HOXD1: variants seen among roughly 807,000 people sequenced by gnomAD.
HOXD1 encodes the protein homeobox D1.
In HOXD1, 17 loss-of-function variants were observed where a neutral mutation model predicts 19.9. The observed-to-expected ratio is 0.85, with a 90% CI of 0.58 to 1.28. The LOEUF is 1.28. Ranked by LOEUF, HOXD1 falls within the 50% of genes most tolerant of loss-of-function variation. The pLI, the probability that HOXD1 is intolerant of heterozygous loss-of-function variation, is 0.00. For missense variants in HOXD1, 500 were observed against 460.1 expected, an observed-to-expected ratio of 1.09 and a Z score of -0.79; for synonymous variants, 239 against 216.0, an observed-to-expected ratio of 1.11 and a Z score of -0.93.
In HOXD1 at chr2:176,189,383, C is replaced by T. The variant is rs1161137098; in HGVS notation, c.582C>T (p.Pro194=). The T allele has an allele frequency of 6.2e-7, 1 of 1,613,210 alleles. No homozygotes were observed. ...APGTYPKSVS[P]ASGLPAAFST... ...GCACCTACCCCAAGTCCGTCTCTCCCGCCTCCGGCCTCCCTGCCGCCTTCA... is the reference window on the plus strand; with the variant it reads ...GCACCTACCCCAAGTCCGTCTCTCCTGCCTCCGGCCTCCCTGCCGCCTTCA... Residue 194 remains proline (P), a synonymous_variant, in exon 1 of 2, where the codon CCC becomes CCT. Transcript: ENST00000331462.
rs1691766867 is a variant in HOXD1 at position 176,190,200 on chromosome 2, C to G, written c.*58C>G. The G allele has an allele frequency of 8.5e-7, 1 of 1,171,850 alleles. No homozygotes were observed. Among genetic ancestry groups the G allele is most frequent in the Admixed American group, 2.3e-5 (1 of 44,374 alleles). 72.6% of individuals were successfully genotyped at this position (1,171,850 alleles called of 1,614,324 possible). A position where few individuals can be genotyped will look rare whatever the true frequency, so the allele number is the denominator to read the frequency against. On this transcript the variant is annotated 3_prime_UTR_variant, in exon 2 of 2. Transcript: ENST00000331462. ...GCAGAAGTCCCAGGCGACCCCCATC[C>G]CTATCTAGACTTAGGAGCTCAGTTT...
At chr2:176,189,558 T>G in intron 1 of HOXD1, 105 bp downstream of exon 1, 1 of 1,593,344 alleles carries the variant, frequency 6.3e-7, no homozygotes, top group Non-Finnish European at 8.5e-7. Flanking sequence ...GACAGCGGTT[T>G]GGGTTTTGTG....
Position 176,190,095 on chromosome 2 carries a change from T to C in HOXD1, c.940T>C (p.Phe314Leu). The change falls in exon 2 of 2, where the codon TTT becomes CTT. Residue 314 changes from phenylalanine (F) to leucine (L), a missense_variant. Coordinates refer to ENST00000331462, the MANE Select transcript of HOXD1 (RefSeq NM_024501.3). Reference protein sequence around the residue: ...LPLSGTTPTKFIKNPGSPSQS... With the variant: ...LPLSGTTPTKLIKNPGSPSQS... ...CCTCTCTGGAACAACCCCCACTAAG[T>C]TTATCAAGAACCCCGGCAGCCCTTC... 2 of 1,613,606 alleles carry C rather than the reference T, an allele frequency of 1.2e-6. No homozygotes were observed. Among genetic ancestry groups the C allele is most frequent in the East Asian group, 2.2e-5 (1 of 44,852 alleles).
At position 176,190,347 on chromosome 2, in the gene HOXD1, G is replaced by A; in HGVS notation, c.*205G>A. 1.8e-6 allele frequency: 1 copy of A among 551,010 alleles called. No homozygotes were observed. Among genetic ancestry groups the A allele is most frequent in the Non-Finnish European group, 3.2e-6 (1 of 313,588 alleles). The allele number at this position is 551,010 out of a possible 1,614,324, so 34.1% of individuals were successfully genotyped here. ...TAATTGACTGTCTTGTAAGCCACTT[G>A]TTTGGTTATGATTTGTGTCTTATCA... On this transcript the variant is annotated 3_prime_UTR_variant, in exon 2 of 2. Coordinates refer to ENST00000331462, the MANE Select transcript of HOXD1 (RefSeq NM_024501.3).
rs1236081172 is a variant in HOXD1 at position 176,188,672 on chromosome 2, TG to T, written c.-127del. The T allele has an allele frequency of 7.4e-6, 7 of 941,484 alleles. No homozygotes were observed. Among genetic ancestry groups the T allele is most frequent in the Non-Finnish European group, 8.2e-6 (5 of 609,666 alleles). The allele number at this position is 941,484 out of a possible 1,614,324, so 58.3% of individuals were successfully genotyped here. A position where few individuals can be genotyped will look rare whatever the true frequency, so the allele number is the denominator to read the frequency against. ...CTATTTACCTCCGGCTCACTCGCCATGGGTTGGAGAGGGCAGCTCGGGTAGA... is the reference window on the plus strand; with the variant it reads ...CTATTTACCTCCGGCTCACTCGCCATGGTTGGAGAGGGCAGCTCGGGTAGA... On this transcript the variant is annotated 5_prime_UTR_variant, in exon 1 of 2. It removes the in-frame stop codon of an upstream open reading frame in the 5' UTR. Transcript: ENST00000331462.
In HOXD1 at chr2:176,189,472, G is replaced by C; in HGVS notation, c.652+19G>C. The C allele has an allele frequency of 6.2e-7, 1 of 1,612,048 alleles. No individual in the cohort carries two copies. The highest frequency in any genetic ancestry group is 8.5e-7 in the Non-Finnish European group (1 of 1,179,290). ...AAGAAAGGTAAGTCCGCGGGCCTTG[G>C]ATGGGGCCACCTGGGGTTGGGGACG... On this transcript the variant is annotated intron_variant, in intron 1 of 1. Transcript: ENST00000331462.
rs889199651 is a variant in HOXD1, at chr2:176,188,794, C to T, written c.-8C>T. The T allele has an allele frequency of 1.2e-6, 2 of 1,606,948 alleles. No homozygotes were observed. Among genetic ancestry groups the T allele is most frequent in the African/African-American group, 1.3e-5 (1 of 74,428 alleles). On this transcript the variant is annotated 5_prime_UTR_variant, in exon 1 of 2. Coordinates refer to ENST00000331462, the MANE Select transcript of HOXD1 (RefSeq NM_024501.3). Reference sequence around the variant, plus strand: ...GGCCTGCGCCCTCAGAAAGGTGGGGCCCGAACCATGAGCTCCTACCTGGAG... The same window carrying T: ...GGCCTGCGCCCTCAGAAAGGTGGGGTCCGAACCATGAGCTCCTACCTGGAG...
Position 176,189,147 on chromosome 2 carries a change from G to T in HOXD1, c.346G>T (p.Asp116Tyr). ...CTTCCTGGGGTCCGGGCCGGCGTACGACTTCCCGGGCGTGCTGGGGCGGGC... is the reference window on the plus strand; with the variant it reads ...CTTCCTGGGGTCCGGGCCGGCGTACTACTTCCCGGGCGTGCTGGGGCGGGC... ...YGFLGSGPAYDFPGVLGRAAD... is the reference protein window; with the variant it reads ...YGFLGSGPAYYFPGVLGRAAD... Residue 116 changes from aspartate to tyrosine, a missense_variant, in exon 1 of 2, where the codon GAC becomes TAC. Asp to Tyr is a radical substitution (Grantham distance 160). Transcript: ENST00000331462. 6.3e-7 allele frequency: 1 copy of T among 1,587,260 alleles called. No individual in the cohort carries two copies. The highest frequency in any genetic ancestry group is 1.1e-5 in the South Asian group (1 of 88,004).
chr2:176,189,485 G>A lies in HOXD1; in HGVS notation c.652+32G>A. 3 of 1,612,366 alleles carry A rather than the reference G, an allele frequency of 1.9e-6. No homozygotes were observed. The East Asian group carries it at 6.7e-5, about 36-fold the overall frequency. On this transcript the variant is annotated intron_variant, in intron 1 of 1. Coordinates refer to ENST00000331462, the MANE Select transcript of HOXD1 (RefSeq NM_024501.3). Reference sequence around the variant, plus strand: ...CCGCGGGCCTTGGATGGGGCCACCTGGGGTTGGGGACGGAGCCTCCCCCGC... The same window carrying A: ...CCGCGGGCCTTGGATGGGGCCACCTAGGGTTGGGGACGGAGCCTCCCCCGC...
intron 1 of HOXD1, 67 bp from the exon 2 acceptor site, chr2:176,189,741 C>A: frequency 1.9e-6 from 3 of 1,609,760 alleles, no homozygotes; most frequent in East Asian, 2.2e-5. Context: ...TTCTAACTAG[C>A]TCCACTGCTC....
rs1226059664 is a variant in HOXD1 at position 176,190,210 on chromosome 2, C to T, written c.*68C>T. On this transcript the variant is annotated 3_prime_UTR_variant, in exon 2 of 2. Transcript: ENST00000331462. ...CAGGCGACCCCCATCCCTATCTAGA[C>T]TTAGGAGCTCAGTTTGGGATGGAGG... The T allele has an allele frequency of 3.8e-6, 4 of 1,055,824 alleles. No homozygotes were observed. The highest frequency in any genetic ancestry group is 5.6e-6 in the Non-Finnish European group (4 of 715,402). 65.4% of individuals were successfully genotyped at this position (1,055,824 alleles called of 1,614,324 possible). A position where few individuals can be genotyped will look rare whatever the true frequency, so the allele number is the denominator to read the frequency against.
chr2:176,189,515 A>T (rs751808553), intron 1 of HOXD1, 62 bp downstream of exon 1: 24 of 1,611,818 alleles, frequency 1.5e-5, no homozygotes, highest in Middle Eastern at 1.6e-4. Context: ...CCCCGCGGAA[A>T]TGCGCTGGGA....
At chr2:176,189,740 G>A in intron 1 of HOXD1, 68 bp from the exon 2 acceptor site, 2 of 1,610,406 alleles carry the variant, frequency 1.2e-6, no homozygotes, top group East Asian at 2.2e-5. Flanking sequence ...ATTCTAACTA[G>A]CTCCACTGCT....
In HOXD1 at chr2:176,188,739, A is replaced by G. The variant is rs568586586; in HGVS notation, c.-63A>G. 10,496 of 1,535,634 alleles carry G rather than the reference A, an allele frequency of 6.8e-3. 70 individuals carry two copies. The highest frequency in any genetic ancestry group is 0.01 in the South Asian group (876 of 85,368). ...GGCGCAGACGGCGGCAGTCCTGCTC[A>G]GCCTCTGCCCGGCTCCGTACTCCGG... is the stretch of plus-strand genomic sequence containing the variant. On this transcript the variant is annotated 5_prime_UTR_variant, in exon 1 of 2. Transcript: ENST00000331462.
rs780236960 is a variant in HOXD1 at position 176,189,155 on chromosome 2, G to C, written c.354G>C (p.Pro118=). ...FLGSGPAYDF[P]GVLGRAADDG... is the part of the protein sequence containing the mutation. ...GGTCCGGGCCGGCGTACGACTTCCC[G>C]GGCGTGCTGGGGCGGGCGGCCGACG... Residue 118 remains proline (P), a synonymous_variant, in exon 1 of 2, where the codon CCG becomes CCC. Coordinates refer to ENST00000331462, the MANE Select transcript of HOXD1 (RefSeq NM_024501.3). 20 of 1,590,114 alleles carry C rather than the reference G, an allele frequency of 1.3e-5. No homozygotes were observed. Among genetic ancestry groups the C allele is most frequent in the Non-Finnish European group, 1.7e-5 (20 of 1,171,888 alleles).
Position 176,190,016 on chromosome 2 carries a change from G to A in HOXD1, c.861G>A (p.Arg287=), listed in dbSNP as rs770025854. Residue 287 remains arginine (R), a synonymous_variant, in exon 2 of 2, where the codon AGG becomes AGA. Transcript: ENST00000331462. ...ACCGCAGGATGAAACAGAAGAAAAG[G>A]GAACGAGAAGGGCTTCTGGCCACGG... is the stretch of plus-strand genomic sequence containing the variant. ...FQNRRMKQKK[R]EREGLLATAI... 6.2e-7 allele frequency: 1 copy of A among 1,614,064 alleles called. No individual in the cohort carries two copies. Among genetic ancestry groups the A allele is most frequent in the East Asian group, 2.2e-5 (1 of 44,874 alleles).
At position 176,190,249 on chromosome 2, in the gene HOXD1, A is replaced by G. The variant is rs1196076363; in HGVS notation, c.*107A>G. 2.8e-6 allele frequency: 2 copies of G among 703,776 alleles called. No individual in the cohort carries two copies. The highest frequency in any genetic ancestry group is 3.6e-5 in the African/African-American group (2 of 55,356). 43.6% of individuals were successfully genotyped at this position (703,776 alleles called of 1,614,324 possible). ...TTGGGATGGAGGTGGGAGAACAAAA[A>G]TGAATAGGGATTTCACTTGGGAAAT... On this transcript the variant is annotated 3_prime_UTR_variant, in exon 2 of 2. Coordinates refer to ENST00000331462, the MANE Select transcript of HOXD1 (RefSeq NM_024501.3).
At chr2:176,189,717 C>T (rs1442334468) in intron 1 of HOXD1, 91 bp from the exon 2 acceptor site, 1 of 1,611,754 alleles carries the variant, frequency 6.2e-7, no homozygotes, top group African/African-American at 1.3e-5. Context: ...AGGAGGGCTG[C>T]GCTGGGACTT....
rs1691739256 is a variant in HOXD1, at chr2:176,189,263, C to T, written c.462C>T (p.Tyr154=). ...GSFLLSGQVD[Y]AAFGEPGPFP... ...TCCTCCTCAGCGGCCAGGTGGATTA[C>T]GCGGCCTTCGGCGAACCCGGCCCTT... Residue 154 remains tyrosine (Y), a synonymous_variant, in exon 1 of 2, where the codon TAC becomes TAT. Transcript: ENST00000331462. 6.2e-7 allele frequency: 1 copy of T among 1,600,052 alleles called. No individual in the cohort carries two copies. The highest frequency in any genetic ancestry group is 1.7e-5 in the Admixed American group (1 of 58,498).
Sources: allele counts gnomAD v4.1 joint callset, GRCh38; gene constraint gnomAD v4.1.1; transcripts MANE v1.5; gene names NCBI Gene and HGNC (gene_info 2026-07-23, HGNC 2026-07-21).